Variants in NDUFAF2 observed in about 807,000 individuals in gnomAD.
NDUFAF2 encodes NADH:ubiquinone oxidoreductase complex assembly factor 2.
A neutral mutation model predicts 22.8 loss-of-function variants in NDUFAF2; 13 were observed. The observed-to-expected ratio is 0.57, with a 90% CI of 0.37 to 0.91. The LOEUF (loss-of-function observed/expected upper bound fraction) is 0.91, where lower values mean the gene tolerates loss of function less well. Ranked by LOEUF, NDUFAF2 falls within the 40% of genes least tolerant of loss-of-function variation. The pLI is 0.01. For synonymous variants in NDUFAF2, 53 were observed against 64.2 expected, an observed-to-expected ratio of 0.83 and a Z score of 0.84; for missense variants, 162 against 195.2, an observed-to-expected ratio of 0.83 and a Z score of 1.01.
At chr5:61,115,620 GA>G (rs1283667751) in intron 3 of NDUFAF2, 3 of 152,030 alleles carry the variant, frequency 2.0e-5, no homozygotes, top group African/African-American at 7.2e-5. Context: ...GAAACAACTG[GA>G]AATCCTAAAT....
At chr5:61,034,096 T>G (rs916733636) in intron 1 of NDUFAF2, among the ~76,000 whole-genome samples, 1 of 152,134 alleles carries the variant, frequency 6.6e-6, no homozygotes, top group Non-Finnish European at 1.5e-5. Context: ...CATATTCTAA[T>G]TTAGACATTA....
At chr5:61,015,252 G>A (rs557835377) in intron 1 of NDUFAF2, among the ~76,000 whole-genome samples, 41 of 152,158 alleles carry the variant, frequency 2.7e-4, no homozygotes, top group African/African-American at 9.4e-4. Flanking sequence ...ACTTAAAAAT[G>A]TTACTAAATA....
At chr5:61,018,138 T>C (rs1013693011) in intron 1 of NDUFAF2, among the ~76,000 whole-genome samples, 6 of 152,236 alleles carry the variant, frequency 3.9e-5, no homozygotes, top group African/African-American at 1.4e-4. Flanking sequence ...ATTTTACTGT[T>C]ATCTATGCTC....
At chr5:61,079,459 T>G (rs1752412780) in intron 2 of NDUFAF2, among the ~76,000 whole-genome samples, 4 of 152,178 alleles carry the variant, frequency 2.6e-5, no homozygotes, top group Admixed American at 2.0e-4. Flanking sequence ...AAACGCTGAG[T>G]TCATAACCCT....
intron 1 of NDUFAF2, among the ~76,000 whole-genome samples, chr5:60,977,855 AAAG>A (rs900305708): frequency 8.0e-5 from 12 of 150,820 alleles, no homozygotes; most frequent in Non-Finnish European, 1.6e-4. Context: ...AAAAAAAAGA[AAAG>A]AAGCCACCAG....
intron 1 of NDUFAF2, among the ~76,000 whole-genome samples, chr5:60,969,416 G>A (rs1185472292): frequency 1.3e-5 from 2 of 152,138 alleles, no homozygotes; most frequent in African/African-American, 2.4e-5. Context: ...TAACCAGAGT[G>A]AGATGATATC....
At chr5:61,094,356 A>G (rs1752608684) in intron 2 of NDUFAF2, among the ~76,000 whole-genome samples, 2 of 152,208 alleles carry the variant, frequency 1.3e-5, no homozygotes, top group African/African-American at 2.4e-5. Flanking sequence ...ATTCTTCTCT[A>G]TACTGGCTGT....
At chr5:61,126,949 G>C (rs991136598) in intron 3 of NDUFAF2, among the ~76,000 whole-genome samples, 11 of 151,860 alleles carry the variant, frequency 7.2e-5, no homozygotes, top group Admixed American at 4.6e-4. Context: ...AATAATAAAG[G>C]GGATATCACC....
intron 1 of NDUFAF2, among the ~76,000 whole-genome samples, chr5:61,054,728 G>A (rs1752065918): frequency 6.6e-6 from 1 of 152,124 alleles, no homozygotes; most frequent in Admixed American, 6.5e-5. Context: ...GAACTTATAG[G>A]CCTTACTCAT....
chr5:61,029,510 GTTA>G (rs1751697038), intron 1 of NDUFAF2, among the ~76,000 whole-genome samples: 1 of 152,098 alleles, frequency 6.6e-6, no homozygotes, highest in Non-Finnish European at 1.5e-5. Flanking sequence ...TCAGGATACA[GTTA>G]TTATATTTAT....
At chr5:61,025,940 G>C (rs1751643894) in intron 1 of NDUFAF2, among the ~76,000 whole-genome samples, 1 of 151,986 alleles carries the variant, frequency 6.6e-6, no homozygotes, top group African/African-American at 2.4e-5. Flanking sequence ...CTTGGGGGCA[G>C]ATGTTTTATA....
At chr5:60,949,534 GTT>G (rs761677812) in intron 1 of NDUFAF2, among the ~76,000 whole-genome samples, 1 of 152,152 alleles carries the variant, frequency 6.6e-6, no homozygotes, top group Non-Finnish European at 1.5e-5. Context: ...GTGAACATAA[GTT>G]TTCATTTTCC....
chr5:61,105,588 A>C (rs1270581739), intron 3 of NDUFAF2, among the ~76,000 whole-genome samples: 2 of 148,000 alleles, frequency 1.4e-5, no homozygotes, highest in Non-Finnish European at 3.0e-5. Context: ...CTGGAGCTGT[A>C]TGTTTTAACA....
At chr5:61,051,994 T>G (rs1028487616) in intron 1 of NDUFAF2, among the ~76,000 whole-genome samples, 1 of 152,186 alleles carries the variant, frequency 6.6e-6, no homozygotes, top group Non-Finnish European at 1.5e-5. Context: ...TAGAGAAGTA[T>G]AACTATTTTT....
intron 3 of NDUFAF2, among the ~76,000 whole-genome samples, chr5:61,138,890 A>C (rs978185111): frequency 2.0e-5 from 3 of 152,242 alleles, no homozygotes; most frequent in Non-Finnish European, 4.4e-5. Context: ...ATCTTTGGAC[A>C]TATTTAATTT....
rs575169160 is a variant in NDUFAF2, at chr5:61,076,232, G to A, written c.217+3018G>A. Among the ~76,000 whole-genome samples, 7 of 151,848 alleles carry A rather than the reference G, an allele frequency of 4.6e-5. No individual in the cohort carries two copies. The East Asian group carries it at 5.8e-4, about 13-fold the overall frequency. ...ACTACAGGTGCCCGCCACCACGCCC[G>A]GCTAATTTTGTTTTTGTATTTTTAG... On this transcript the variant is annotated intron_variant, in intron 2 of 3. Coordinates refer to ENST00000296597, the MANE Select transcript of NDUFAF2 (RefSeq NM_174889.5).
At chr5:60,954,637 T>G (rs1487885487) in intron 1 of NDUFAF2, among the ~76,000 whole-genome samples, 1 of 152,162 alleles carries the variant, frequency 6.6e-6, no homozygotes, top group African/African-American at 2.4e-5. Flanking sequence ...ATTTTGTCTC[T>G]TAGAAATTCT....
chr5:61,127,329 AC>A lies in NDUFAF2; in HGVS notation c.259-25374del. ...GATACCAAAGCCGGACAGAGACAAA[AC>A]AAAAAAAGACAATTTTACACCAATA... On this transcript the variant is annotated intron_variant, in intron 3 of 3. Transcript: ENST00000296597. 2.0e-5 allele frequency among the ~76,000 whole-genome samples: 3 copies of A among 152,266 alleles called. No individual in the cohort carries two copies. The South Asian group carries it at 6.2e-4, about 32-fold the overall frequency.
intron 3 of NDUFAF2, 23 bp from the exon 4 acceptor site, chr5:61,152,681 C>A (rs1741262236): frequency 2.1e-6 from 3 of 1,436,946 alleles, no homozygotes; most frequent in Non-Finnish European, 2.8e-6. Flanking sequence ...TTAATAATTT[C>A]TTCCATTTAT....
Sources: gnomAD v4.1 joint callset for allele counts (sites outside exome capture counted in the v4.1 genomes callset) on GRCh38, gnomAD v4.1.1 for gene constraint, MANE v1.5 for transcripts, NCBI Gene and HGNC (gene_info 2026-07-23, HGNC 2026-07-21) for gene names.